MAMDC2: variants seen among roughly 807,000 people sequenced by gnomAD.
MAMDC2 encodes MAM domain containing 2.
MAMDC2 carries 57 observed loss-of-function variants against 89.8 expected under a neutral mutation model. That is an observed-to-expected ratio of 0.63 (90% CI 0.51 to 0.79). MAMDC2 has a LOEUF of 0.79. Ranked by LOEUF, MAMDC2 falls within the 30% of genes least tolerant of loss-of-function variation. MAMDC2 has a pLI of 0.00. For missense variants in MAMDC2, 800 were observed against 820.6 expected (o/e 0.97, Z 0.31); for synonymous variants, 313 against 293.4 (o/e 1.07, Z -0.68).
rs928440128 is a variant in MAMDC2, at chr9:70,189,695, C to A, written c.1651+19064C>A. Among the ~76,000 whole-genome samples, 7 of 151,996 alleles carry A rather than the reference C, an allele frequency of 4.6e-5. No homozygotes were observed. In the East Asian group the frequency reaches 1.4e-3, roughly 29 times the overall value. The stretch of plus-strand genomic sequence containing the variant: ...TTTCTTCCCCTTTCTCTCTCTCTTC[C>A]TTTTGGGACTTCCACTATGCATATG... On this transcript the variant is annotated intron_variant, in intron 11 of 13. Transcript: ENST00000377182.
At chr9:70,203,699 G>T (rs1010555658) in intron 11 of MAMDC2, among the ~76,000 whole-genome samples, 1 of 105,520 alleles carries the variant, frequency 9.5e-6, no homozygotes, top group African/African-American at 3.6e-5. Context: ...ACACCAATCA[G>T]ACGTAGATTT....
chr9:70,168,548 T>C (rs1470796270), intron 9 of MAMDC2, 154 bp from the exon 10 acceptor site: 1 of 597,040 alleles, frequency 1.7e-6, no homozygotes, highest in Non-Finnish European at 3.0e-6. Flanking sequence ...TGGTAACCAT[T>C]CTTCTTCCTA....
At chr9:70,103,964 A>G (rs1424015177) in intron 2 of MAMDC2, among the ~76,000 whole-genome samples, 1 of 151,778 alleles carries the variant, frequency 6.6e-6, no homozygotes, top group African/African-American at 2.4e-5. Context: ...CCTGGGCGGC[A>G]CAGCAAGACT....
chr9:70,138,844 T>G (rs1357312107), intron 7 of MAMDC2, among the ~76,000 whole-genome samples: 1 of 152,110 alleles, frequency 6.6e-6, no homozygotes, highest in African/African-American at 2.4e-5. Flanking sequence ...CTGCACAATT[T>G]AAACTGAGTG....
At chr9:70,217,640 C>G in intron 11 of MAMDC2, 1 of 1,610,014 alleles carries the variant, frequency 6.2e-7, no homozygotes. Flanking sequence ...GTGAAAGTTT[C>G]AGCTCCCCAA....
intron 12 of MAMDC2, 46 bp downstream of exon 12, chr9:70,218,642 G>C (rs895485815): frequency 6.6e-7 from 1 of 1,521,448 alleles, no homozygotes; most frequent in Non-Finnish European, 8.8e-7. Flanking sequence ...ACGTGTAGGA[G>C]CTTCTGATGT....
chr9:70,071,074 C>T (rs972329011), intron 2 of MAMDC2, among the ~76,000 whole-genome samples: 3 of 152,106 alleles, frequency 2.0e-5, no homozygotes, highest in Non-Finnish European at 2.9e-5. Context: ...TAGTGGAATT[C>T]CTCCACAGAC....
At chr9:70,136,540 C>T (rs1317700505) in intron 7 of MAMDC2, among the ~76,000 whole-genome samples, 4 of 152,178 alleles carry the variant, frequency 2.6e-5, no homozygotes, top group Admixed American at 2.0e-4. Flanking sequence ...CCCTCCCACA[C>T]ATCTAATAAC....
chr9:70,206,843 T>C (rs1320618454), intron 11 of MAMDC2, among the ~76,000 whole-genome samples: 2 of 152,164 alleles, frequency 1.3e-5, no homozygotes, highest in African/African-American at 2.4e-5. Flanking sequence ...AGTGTTCTCA[T>C]TGTTCAATTC....
chr9:70,215,007 G>C (rs1319038361), intron 11 of MAMDC2, among the ~76,000 whole-genome samples: 2 of 152,180 alleles, frequency 1.3e-5, no homozygotes, highest in African/African-American at 4.8e-5. Context: ...ATTTGAGTTT[G>C]AGATATAACA....
chr9:70,156,976 G>T (rs538596230), intron 9 of MAMDC2, among the ~76,000 whole-genome samples: 1 of 152,132 alleles, frequency 6.6e-6, no homozygotes, highest in Non-Finnish European at 1.5e-5. Context: ...CCATTCTTTC[G>T]TGAGTTTTCT....
rs548264223 is a variant in MAMDC2 at position 70,112,882 on chromosome 9, G to A, written c.506-113G>A. On this transcript the variant is annotated intron_variant, in intron 4 of 13. Coordinates refer to ENST00000377182, the MANE Select transcript of MAMDC2 (RefSeq NM_153267.5). ...CAGGGGTCCTGGTAGAAAGGTTGCA[G>A]TGGGCAAAGGAAGAGAGAAACTTCT... The A allele has an allele frequency of 4.5e-6, 6 of 1,347,880 alleles. No homozygotes were observed. The South Asian group carries it at 5.3e-5, about 12-fold the overall frequency. 83.5% of individuals were successfully genotyped at this position (1,347,880 alleles called of 1,614,324 possible). A position where few individuals can be genotyped will look rare whatever the true frequency, so the allele number is the denominator to read the frequency against.
intron 6 of MAMDC2, among the ~76,000 whole-genome samples, chr9:70,128,494 T>C (rs1245351388): frequency 1.3e-5 from 2 of 152,204 alleles, no homozygotes; most frequent in African/African-American, 2.4e-5. Context: ...GGACCATTAC[T>C]GTTAAGGTGA....
At chr9:70,070,377 C>A (rs575016828) in intron 2 of MAMDC2, among the ~76,000 whole-genome samples, 2 of 152,288 alleles carry the variant, frequency 1.3e-5, no homozygotes, top group East Asian at 3.9e-4. Context: ...TGAGGAATCA[C>A]CCTCTTTTTT....
At chr9:70,160,193 C>T (rs746582972) in intron 9 of MAMDC2, among the ~76,000 whole-genome samples, 1 of 151,922 alleles carries the variant, frequency 6.6e-6, no homozygotes, top group Non-Finnish European at 1.5e-5. Context: ...GCCTGGGCAA[C>T]AGAGGGAGAC....
chr9:70,127,854 A>C (rs2030630564), intron 6 of MAMDC2, among the ~76,000 whole-genome samples: 2 of 152,188 alleles, frequency 1.3e-5, no homozygotes, highest in African/African-American at 4.8e-5. Flanking sequence ...CTGCTTCAAA[A>C]GTTTCCCGTC....
intron 9 of MAMDC2, chr9:70,147,850 T>G (rs1309064588): frequency 6.6e-6 from 1 of 150,558 alleles, no homozygotes; most frequent in Non-Finnish European, 1.5e-5. Context: ...GTTTAGCATC[T>G]GTGATTATTG....
At chr9:70,102,899 C>T (rs865789373) in intron 2 of MAMDC2, among the ~76,000 whole-genome samples, 2 of 152,244 alleles carry the variant, frequency 1.3e-5, no homozygotes, top group African/African-American at 4.8e-5. Flanking sequence ...CCTGATGCAT[C>T]ACAGTCAACC....
At chr9:70,207,315 C>T (rs10119640) in intron 11 of MAMDC2, among the ~76,000 whole-genome samples, 97,957 of 151,006 alleles carry the variant, frequency 0.65, 32,311 homozygotes, top group Admixed American at 0.71. Flanking sequence ...TTTTAATGAT[C>T]GTCATTCTAA....
Sources: allele counts gnomAD v4.1 joint callset (sites outside exome capture counted in the v4.1 genomes callset), GRCh38; gene constraint gnomAD v4.1.1; transcripts MANE v1.5; gene names NCBI Gene and HGNC (gene_info 2026-07-23, HGNC 2026-07-21).